Variants in ALDH4A1 observed in about 807,000 individuals in gnomAD.
The protein encoded by ALDH4A1 is aldehyde dehydrogenase 4 family member A1, also known as delta-1-pyrroline-5-carboxylate dehydrogenase, mitochondrial.
A neutral mutation model predicts 70.5 loss-of-function variants in ALDH4A1; 46 were observed. The observed-to-expected ratio is 0.65, with a 90% CI of 0.51 to 0.83. ALDH4A1 has a LOEUF of 0.83. Ranked by LOEUF, ALDH4A1 falls within the 40% of genes least tolerant of loss-of-function variation. The pLI is 0.00. For synonymous variants in ALDH4A1, 323 were observed against 324.3 expected, an observed-to-expected ratio of 1.00 and a Z score of 0.04; for missense variants, 749 against 766.5, an observed-to-expected ratio of 0.98 and a Z score of 0.27.
intron 1 of ALDH4A1, among the ~76,000 whole-genome samples, chr1:18,893,360 A>C (rs1057183879): frequency 6.6e-6 from 1 of 152,200 alleles, no homozygotes; most frequent in African/African-American, 2.4e-5. Flanking sequence ...GGAGACACGA[A>C]TATGGGACCT....
At position 18,880,374 on chromosome 1, in the gene ALDH4A1, C is replaced by G; in HGVS notation, c.867-1001G>C. On this transcript the variant is annotated intron_variant, in intron 8 of 14. Transcript: ENST00000375341. This position sits in a 1 kb window ranked among gnomAD's most constrained non-coding sequence, Gnocchi z 5.1. The stretch of plus-strand genomic sequence containing the variant: ...CCATCTTGAACATTCTCGCTGACAA[C>G]CCCCCTCATCCCCACACGCACCCCA... Among the ~76,000 whole-genome samples the G allele has an allele frequency of 6.6e-6, 1 of 152,188 alleles. No individual in the cohort carries two copies. The highest frequency in any genetic ancestry group is 2.1e-4 in the South Asian group (1 of 4,818).
intron 1 of ALDH4A1, among the ~76,000 whole-genome samples, chr1:18,896,003 C>T (rs926406353): frequency 2.0e-5 from 3 of 152,262 alleles, no homozygotes; most frequent in East Asian, 1.9e-4. Flanking sequence ...TTCCCCATCA[C>T]CCTGCCCCAT....
rs2100571276 is a variant in ALDH4A1 at position 18,881,687 on chromosome 1, C to T, written c.866+13G>A. ...CCTAGCCACCACAGCCTACACCATC[C>T]CCAGGGACTTACGGCACACTGCCTG... On this transcript the variant is annotated intron_variant, in intron 8 of 14. Transcript: ENST00000375341. The T allele has an allele frequency of 1.2e-6, 2 of 1,613,802 alleles. No individual in the cohort carries two copies. The highest frequency in any genetic ancestry group is 2.2e-5 in the East Asian group (1 of 44,852).
intron 14 of ALDH4A1, among the ~76,000 whole-genome samples, chr1:18,873,538 A>G (rs1040232599): frequency 1.3e-5 from 2 of 152,150 alleles, no homozygotes; most frequent in East Asian, 1.9e-4. Flanking sequence ...GTCGACCCCA[A>G]TGGCCAATGA....
At chr1:18,890,293 G>C in intron 1 of ALDH4A1, 188 bp from the exon 2 acceptor site, 1 of 565,528 alleles carries the variant, frequency 1.8e-6, no homozygotes, top group Non-Finnish European at 3.2e-6. Flanking sequence ...TGTAATCCCA[G>C]CACTTTGGGA....
intron 1 of ALDH4A1, among the ~76,000 whole-genome samples, chr1:18,890,469 C>G (rs1935392451): frequency 6.6e-6 from 1 of 152,192 alleles, no homozygotes; most frequent in Non-Finnish European, 1.5e-5. Context: ...ATTGCTTGAA[C>G]CCAGGAGGCA....
Position 18,872,661 on chromosome 1 carries a change from C to T in ALDH4A1, c.*184G>A, listed in dbSNP as rs562498725. 2.6e-5 allele frequency: 15 copies of T among 584,314 alleles called. No homozygotes were observed. In the East Asian group the frequency reaches 3.1e-4, roughly 12 times the overall value. The allele number at this position is 584,314 out of a possible 1,614,324, so 36.2% of individuals were successfully genotyped here. On this transcript the variant is annotated 3_prime_UTR_variant, in exon 15 of 15. Coordinates refer to ENST00000375341, the MANE Select transcript of ALDH4A1 (RefSeq NM_003748.4). ...GTAGTGGCCATGTTCCTCCCCAGCACGATCTCAAACCAGAGCCTGAGGCAT... is the reference window on the plus strand; with the variant it reads ...GTAGTGGCCATGTTCCTCCCCAGCATGATCTCAAACCAGAGCCTGAGGCAT...
chr1:18,894,044 A>G (rs1935532841), intron 1 of ALDH4A1, among the ~76,000 whole-genome samples: 1 of 152,200 alleles, frequency 6.6e-6, no homozygotes, highest in Non-Finnish European at 1.5e-5. Context: ...CATCAGGAGG[A>G]TTACAAGTGT....
At position 18,880,060 on chromosome 1, in the gene ALDH4A1, C is replaced by T. The variant is rs867472443; in HGVS notation, c.867-687G>A. On this transcript the variant is annotated intron_variant, in intron 8 of 14. Transcript: ENST00000375341. This position sits in a 1 kb window ranked among gnomAD's most constrained non-coding sequence, Gnocchi z 5.1. Reference sequence around the variant, plus strand: ...GAGCGTGGAGAATGGGGTCCAGGCCCGCTCCGCCCGCTGATAGGCGGGGAG... The same window carrying T: ...GAGCGTGGAGAATGGGGTCCAGGCCTGCTCCGCCCGCTGATAGGCGGGGAG... Among the ~76,000 whole-genome samples, 16 of 152,302 alleles carry T rather than the reference C, an allele frequency of 1.1e-4. No homozygotes were observed. Among genetic ancestry groups the T allele is most frequent in the Middle Eastern group, 3.4e-3 (1 of 294 alleles).
At chr1:18,899,343 C>T (rs1167489424) in intron 1 of ALDH4A1, among the ~76,000 whole-genome samples, 3 of 152,216 alleles carry the variant, frequency 2.0e-5, no homozygotes, top group Non-Finnish European at 4.4e-5. Flanking sequence ...GCAGGGGACA[C>T]GGTAGTAACC....
rs1483817673 is a variant in ALDH4A1 at position 18,880,605 on chromosome 1, A to G, written c.866+1095T>C. Among the ~76,000 whole-genome samples the G allele has an allele frequency of 2.0e-5, 3 of 152,168 alleles. No homozygotes were observed. In the East Asian group the frequency reaches 5.8e-4, roughly 29 times the overall value. ...GGGTGCCAACACAGGGGCCCAGAGGAGCCAGCAGGGAAAGGAAACAGCGTG... is the reference window on the plus strand; with the variant it reads ...GGGTGCCAACACAGGGGCCCAGAGGGGCCAGCAGGGAAAGGAAACAGCGTG... On this transcript the variant is annotated intron_variant, in intron 8 of 14. Transcript: ENST00000375341. The surrounding 1 kb of genome is among the most constrained non-coding windows in gnomAD (Gnocchi z 5.1).
intron 1 of ALDH4A1, chr1:18,890,880 T>A (rs1935408254): frequency 1.0e-6 from 1 of 985,300 alleles, no homozygotes; most frequent in African/African-American, 1.7e-5. Context: ...CCAGCTGAGA[T>A]CCCCTTGGCA....
At chr1:18,890,319 A>G in intron 1 of ALDH4A1, 1 of 519,146 alleles carries the variant, frequency 1.9e-6, no homozygotes, top group Non-Finnish European at 3.5e-6. Context: ...AGGCGGGCAA[A>G]TCACTTGAGG....
intron 1 of ALDH4A1, chr1:18,890,950 G>C (rs1935410199): frequency 1.0e-6 from 1 of 956,634 alleles, no homozygotes; most frequent in East Asian, 1.2e-4. Context: ...TGAACTTGGA[G>C]AGCTGCCCTG....
intron 1 of ALDH4A1, among the ~76,000 whole-genome samples, chr1:18,893,211 C>T (rs1935503099): frequency 6.6e-6 from 1 of 152,244 alleles, no homozygotes; most frequent in East Asian, 1.9e-4. Flanking sequence ...CACACCTGCT[C>T]CATGACCTCA....
At chr1:18,886,570 A>G (rs1935211888) in intron 3 of ALDH4A1, 59 bp from the exon 4 acceptor site, 1 of 1,578,996 alleles carries the variant, frequency 6.3e-7, no homozygotes. Flanking sequence ...ATAAGGATGA[A>G]GAGGACTGGA....
At chr1:18,887,870 CTGTG>C (rs1221777242) in intron 3 of ALDH4A1, among the ~76,000 whole-genome samples, 1 of 152,204 alleles carries the variant, frequency 6.6e-6, no homozygotes, top group African/African-American at 2.4e-5. Flanking sequence ...TGCCCTCTCT[CTGTG>C]TGTGTGTCTT....
At chr1:18,893,065 A>C (rs1034824958) in intron 1 of ALDH4A1, among the ~76,000 whole-genome samples, 15 of 152,162 alleles carry the variant, frequency 9.9e-5, no homozygotes, top group African/African-American at 3.6e-4. Context: ...GGTGAGCCAG[A>C]TATCACCATC....
At position 18,877,613 on chromosome 1, in the gene ALDH4A1, CTACAGGGGTCGGGGGTGGG is replaced by C; in HGVS notation, c.941-20_941-2del. The C allele has an allele frequency of 2.5e-6, 4 of 1,606,408 alleles. No homozygotes were observed. The highest frequency in any genetic ancestry group is 2.2e-5 in the East Asian group (1 of 44,472). On this transcript the variant is annotated splice_acceptor_variant and splice_polypyrimidine_tract_variant and intron_variant, in intron 9 of 14. Transcript: ENST00000375341. LOFTEE classifies it high-confidence loss of function. ...AAGTGGAAGTTCTTTCCGCCGCACTCTACAGGGGTCGGGGGTGGGGAAATGACCAGAGGAGCTGGCTCCC... is the reference window on the plus strand; with the variant it reads ...AAGTGGAAGTTCTTTCCGCCGCACTCGAAATGACCAGAGGAGCTGGCTCCC...
Sources: gnomAD v4.1 joint callset for allele counts (sites outside exome capture counted in the v4.1 genomes callset) on GRCh38, gnomAD v4.1.1 for gene constraint, Gnocchi (gnomAD v3.1) non-coding constraint, MANE v1.5 for transcripts, NCBI Gene and HGNC (gene_info 2026-07-23, HGNC 2026-07-21) for gene names.